LPL: variants seen among roughly 807,000 people sequenced by gnomAD.
The protein encoded by LPL is lipoprotein lipase, also known as phospholipase A1.
A neutral mutation model predicts 52.2 loss-of-function variants in LPL; 43 were observed. The ratio of observed to expected loss-of-function variants is 0.82; its 90% CI spans 0.64 to 1.06. The LOEUF is 1.06. Among genes scored for constraint, LPL ranks in the 50% least tolerant of loss-of-function variants. The pLI is 0.00. For synonymous variants in LPL, 244 were observed against 215.6 expected (o/e 1.13, Z -1.15); for missense variants, 639 against 585.3 (o/e 1.09, Z -0.95).
In LPL at chr8:19,955,912, G is replaced by T; in HGVS notation, c.847G>T (p.Glu283Ter). Reference protein sequence around the residue: ...HLFIDSLLNEENPSKAYRCSS... With the variant: ...HLFIDSLLNE The stretch of plus-strand genomic sequence containing the variant: ...CTTCATCGACTCTCTGTTGAATGAA[G>T]AAAATCCAAGTAAGGCCTACAGGTG... Residue 283 changes from glutamate to a stop codon, truncating the protein, a stop_gained, in exon 6 of 10, where the codon GAA becomes TAA. Coordinates refer to ENST00000650287, the MANE Select transcript of LPL (RefSeq NM_000237.3). LOFTEE classifies it high-confidence loss of function. 1.2e-6 allele frequency: 2 copies of T among 1,614,182 alleles called. No homozygotes were observed. The highest frequency in any genetic ancestry group is 2.2e-5 in the East Asian group (1 of 44,878).
chr8:19,948,480 G>A (rs1360203615), intron 2 of LPL, 140 bp downstream of exon 2: 1 of 995,204 alleles, frequency 1.0e-6, no homozygotes, highest in Non-Finnish European at 1.5e-6. Flanking sequence ...AGACAGTTCT[G>A]GCTCAGGTGG....
intron 9 of LPL, among the ~76,000 whole-genome samples, chr8:19,963,724 A>T (rs987958674): frequency 6.6e-6 from 1 of 152,120 alleles, no homozygotes; most frequent in Non-Finnish European, 1.5e-5. Context: ...GAATGACTAG[A>T]TGAGAACATC....
chr8:19,939,654 G>C lies in LPL; in HGVS notation c.88+126G>C. The C allele has an allele frequency of 2.0e-6, 2 of 988,710 alleles. No homozygotes were observed. Among genetic ancestry groups the C allele is most frequent in the Non-Finnish European group, 3.0e-6 (2 of 665,152 alleles). The allele number at this position is 988,710 out of a possible 1,614,324, so 61.2% of individuals were successfully genotyped here. ...ATGCGCCCAGGGACTCTCCCAGCCT[G>C]GGCTCTAGCCCCGAAACGGTCCCCG... On this transcript the variant is annotated intron_variant, in intron 1 of 9. Transcript: ENST00000650287. This position sits in a 1 kb window ranked among gnomAD's most constrained non-coding sequence, Gnocchi z 4.0.
chr8:19,943,275 G>A (rs2069855670), intron 1 of LPL, among the ~76,000 whole-genome samples: 1 of 152,158 alleles, frequency 6.6e-6, no homozygotes, highest in South Asian at 2.1e-4. Flanking sequence ...GCTTTCGGAG[G>A]GATGGTGGTG....
At chr8:19,962,442 C>T (rs551287624) in intron 9 of LPL, among the ~76,000 whole-genome samples, 15 of 152,272 alleles carry the variant, frequency 9.9e-5, no homozygotes, top group South Asian at 4.1e-4. Context: ...TCTCCCAGCC[C>T]GGACCTTCAA....
chr8:19,947,191 A>T (rs1267635107), intron 1 of LPL, among the ~76,000 whole-genome samples: 1 of 152,158 alleles, frequency 6.6e-6, no homozygotes, highest in Non-Finnish European at 1.5e-5. Flanking sequence ...TTCTTTAAAA[A>T]ATTTTTTTTA....
intron 2 of LPL, among the ~76,000 whole-genome samples, chr8:19,949,061 C>T (rs757590129): frequency 2.0e-5 from 3 of 152,114 alleles, no homozygotes; most frequent in Non-Finnish European, 4.4e-5. Context: ...GTCACACAGT[C>T]ACTTTAGATT....
In LPL at chr8:19,944,911, G is replaced by T. The variant is rs2069870012; in HGVS notation, c.89-3269G>T. Among the ~76,000 whole-genome samples, 1 of 152,152 alleles carries T rather than the reference G, an allele frequency of 6.6e-6. No individual in the cohort carries two copies. The highest frequency in any genetic ancestry group is 1.5e-5 in the Non-Finnish European group (1 of 68,022). On this transcript the variant is annotated intron_variant, in intron 1 of 9. Coordinates refer to ENST00000650287, the MANE Select transcript of LPL (RefSeq NM_000237.3). The surrounding 1 kb of genome is among the most constrained non-coding windows in gnomAD (Gnocchi z 4.2). Reference sequence around the variant, plus strand: ...TCTGACGAGGCCTGATGGGCAGGTGGTACGGTGATGCTAAGTTAAATTCAG... The same window carrying T: ...TCTGACGAGGCCTGATGGGCAGGTGTTACGGTGATGCTAAGTTAAATTCAG...
intron 1 of LPL, among the ~76,000 whole-genome samples, chr8:19,947,368 G>A (rs545022611): frequency 4.6e-5 from 7 of 152,102 alleles, no homozygotes; most frequent in East Asian, 1.9e-4. Context: ...AACCAGGCCC[G>A]GTGGCTCATG....
intron 3 of LPL, among the ~76,000 whole-genome samples, chr8:19,952,896 A>G (rs1414931166): frequency 6.6e-6 from 1 of 152,214 alleles, no homozygotes. Context: ...ACATACACAC[A>G]TATACATATA....
intron 6 of LPL, among the ~76,000 whole-genome samples, chr8:19,956,354 A>G (rs1379335198): frequency 6.6e-6 from 1 of 152,362 alleles, no homozygotes; most frequent in East Asian, 1.9e-4. Flanking sequence ...AGCATGGGCT[A>G]GGCTATCAGC....
chr8:19,951,927 C>T lies in LPL; in HGVS notation c.408C>T (p.Ala136=). 1 of 1,614,050 alleles carries T rather than the reference C, an allele frequency of 6.2e-7. No individual in the cohort carries two copies. The highest frequency in any genetic ancestry group is 8.5e-7 in the Non-Finnish European group (1 of 1,180,012). ...CCAAACTGGTGGGACAGGATGTGGCCCGGTTTATCAACTGGATGGAGGTAA... is the reference window on the plus strand; with the variant it reads ...CCAAACTGGTGGGACAGGATGTGGCTCGGTTTATCAACTGGATGGAGGTAA... ...GYTKLVGQDV[A]RFINWMEEEF... is the part of the protein sequence containing the mutation. Residue 136 remains alanine (A), a synonymous_variant, in exon 3 of 10, where the codon GCC becomes GCT. Coordinates refer to ENST00000650287, the MANE Select transcript of LPL (RefSeq NM_000237.3).
intron 3 of LPL, among the ~76,000 whole-genome samples, chr8:19,952,698 C>T (rs142311457): frequency 3.3e-5 from 5 of 152,230 alleles, no homozygotes; most frequent in South Asian, 2.1e-4. Flanking sequence ...CATGGGCAAA[C>T]GGGATCACCT....
chr8:19,960,584 T>C lies in LPL; in HGVS notation c.1140-317T>C, dbSNP rs315. The stretch of plus-strand genomic sequence containing the variant: ...GTGTGCTATGATTGTAGCTAAATAA[T>C]GTTCAAGTATCAACACAAATTGAAA... On this transcript the variant is annotated intron_variant, in intron 7 of 9. Transcript: ENST00000650287. Among the ~76,000 whole-genome samples, 544 of 152,304 alleles carry C rather than the reference T, an allele frequency of 3.6e-3. 1 individual carries two copies. The highest frequency in any genetic ancestry group is 6.8e-3 in the Admixed American group (104 of 15,298).
chr8:19,953,632 C>G (rs1437098982), intron 4 of LPL, among the ~76,000 whole-genome samples: 1 of 152,172 alleles, frequency 6.6e-6, no homozygotes, highest in East Asian at 1.9e-4. Context: ...GGCAATAGCA[C>G]AGAAATAAAG....
intron 1 of LPL, among the ~76,000 whole-genome samples, chr8:19,942,555 G>GTGAA (rs1280488372): frequency 1.3e-5 from 2 of 152,222 alleles, no homozygotes; most frequent in Non-Finnish European, 2.9e-5. Flanking sequence ...TGTCACCACA[G>GTGAA]TGAACTAAAT....
rs1486734248 is a variant in LPL, at chr8:19,948,218, C to CT, written c.128dup (p.Arg44LysfsTer4). 3 of 1,614,120 alleles carry CT rather than the reference C, an allele frequency of 1.9e-6. No homozygotes were observed. Among genetic ancestry groups the CT allele is most frequent in the Non-Finnish European group, 2.5e-6 (3 of 1,180,018 alleles). ...TATCGACATCGAAAGTAAATTTGCC[C>CT]TAAGGACCCCTGAAGACACAGCTGA... On this transcript the variant is annotated frameshift_variant, in exon 2 of 10. Coordinates refer to ENST00000650287, the MANE Select transcript of LPL (RefSeq NM_000237.3). LOFTEE classifies it high-confidence loss of function.
rs1475540008 is a variant in LPL at position 19,957,987 on chromosome 8, A to T, written c.1019-1273A>T. On this transcript the variant is annotated intron_variant, in intron 6 of 9. Transcript: ENST00000650287. ...TAGAAGAAAAAACATTCCAAGAATTATTTTATTTATTTATTTATTTATTTA... is the reference window on the plus strand; with the variant it reads ...TAGAAGAAAAAACATTCCAAGAATTTTTTTATTTATTTATTTATTTATTTA... Among the ~76,000 whole-genome samples, 22 of 123,938 alleles carry T rather than the reference A, an allele frequency of 1.8e-4. 1 individual carries two copies. Among genetic ancestry groups the T allele is most frequent in the African/African-American group, 7.1e-4 (22 of 30,792 alleles). The allele number at this position is 123,938 out of a possible 152,430, so 81.3% of individuals were successfully genotyped here.
At position 19,962,140 on chromosome 8, in the gene LPL, G is replaced by C. The variant is rs755628740; in HGVS notation, c.1348G>C (p.Val450Leu). 2.5e-6 allele frequency: 4 copies of C among 1,613,664 alleles called. No individual in the cohort carries two copies. Among genetic ancestry groups the C allele is most frequent in the East Asian group, 2.2e-5 (1 of 44,866 alleles). ...GGTGATCTTCTGTTCTAGGGAGAAA[G>C]TGTCTCATTTGCAGAAAGGAAAGGC... ...KKVIFCSREK[V>L]SHLQKGKAPA... Residue 450 changes from valine (V) to leucine (L), a missense_variant, in exon 9 of 10, where the codon GTG becomes CTG. By Grantham distance (32) the Val-to-Leu change is conservative. Transcript: ENST00000650287.
Sources: allele counts gnomAD v4.1 joint callset (sites outside exome capture counted in the v4.1 genomes callset), GRCh38; gene constraint gnomAD v4.1.1; non-coding constraint Gnocchi (gnomAD v3.1); transcripts MANE v1.5; gene names NCBI Gene and HGNC (gene_info 2026-07-23, HGNC 2026-07-21).